The following ADGRF3 variants were observed in gnomAD, a reference collection of about 807,000 sequenced individuals.
The protein encoded by ADGRF3 is G protein-coupled receptor 113.
Under a neutral mutation model 93.2 loss-of-function variants are expected in ADGRF3, and 85 were observed. The observed-to-expected ratio is 0.91, with a 90% CI of 0.77 to 1.09. ADGRF3 has a LOEUF of 1.09. ADGRF3 is among the 50% of genes least tolerant of loss of function. The probability of loss-of-function intolerance (pLI) is 0.00; values close to 1 mark genes in which losing one functional copy is unlikely to be tolerated. For synonymous variants in ADGRF3, 534 were observed against 532.5 expected (o/e 1.00, Z -0.04); for missense variants, 1,125 against 1,246.2 (o/e 0.90, Z 1.46).
At position 26,310,211 on chromosome 2, in the gene ADGRF3, G is replaced by A. The variant is rs1456249008; in HGVS notation, c.2859C>T (p.Cys953=). The change falls in exon 11 of 14, where the codon TGC becomes TGT. Residue 953 remains cysteine (C), a synonymous_variant. Coordinates refer to ENST00000651242, the MANE Select transcript of ADGRF3 (RefSeq NM_001321971.2). ...GCAGACTTACCTTCCTGTCCATGAG[G>A]CAACCAAACAATAGGATGAAGACGC... The part of the protein sequence containing the change: ...LQGVFILLFG[C]LMDRKIQEAL... 2 of 1,613,914 alleles carry A rather than the reference G, an allele frequency of 1.2e-6. No homozygotes were observed. The highest frequency in any genetic ancestry group is 2.7e-5 in the African/African-American group (2 of 74,938).
intron 1 of ADGRF3, among the ~76,000 whole-genome samples, chr2:26,337,187 C>T (rs1255796663): frequency 1.3e-5 from 2 of 152,200 alleles, no homozygotes; most frequent in African/African-American, 4.8e-5. Flanking sequence ...GTGACTTTGC[C>T]ATTCCATCCA....
intron 1 of ADGRF3, among the ~76,000 whole-genome samples, chr2:26,341,875 C>A (rs1574737683): frequency 6.6e-6 from 1 of 151,992 alleles, no homozygotes; most frequent in East Asian, 1.9e-4. Context: ...AGATCGAGAC[C>A]ATCCTGGCCA....
At position 26,318,303 on chromosome 2, in the gene ADGRF3, G is replaced by A. The variant is rs1217024304; in HGVS notation, c.115-741C>T. ...ATATAGATACGAGTATGGATAAGAC[G>A]TGAGTATAAGCTGGTCACAATGGCA... On this transcript the variant is annotated intron_variant, in intron 1 of 13. Coordinates refer to ENST00000651242, the MANE Select transcript of ADGRF3 (RefSeq NM_001321971.2). Among the ~76,000 whole-genome samples, 10 of 152,284 alleles carry A rather than the reference G, an allele frequency of 6.6e-5. 1 individual carries two copies. Among genetic ancestry groups the A allele is most frequent in the Admixed American group, 3.9e-4 (6 of 15,298 alleles).
chr2:26,343,369 A>G (rs1676497749), intron 1 of ADGRF3, among the ~76,000 whole-genome samples: 1 of 152,220 alleles, frequency 6.6e-6, no homozygotes, highest in African/African-American at 2.4e-5. Context: ...ACTGAATTTC[A>G]GAGATGAATA....
At chr2:26,344,285 A>T (rs992679591) in intron 1 of ADGRF3, among the ~76,000 whole-genome samples, 2 of 152,130 alleles carry the variant, frequency 1.3e-5, no homozygotes, top group African/African-American at 2.4e-5. Context: ...CTGGGACTAC[A>T]GGCGCGTGCC....
At chr2:26,313,924 G>A in intron 6 of ADGRF3, 21 bp from the exon 7 acceptor site, 10 of 1,613,484 alleles carry the variant, frequency 6.2e-6, no homozygotes, top group Non-Finnish European at 7.6e-6. Flanking sequence ...AACGAAGAAG[G>A]GAACTGTCAT....
chr2:26,339,973 A>G (rs990097932), intron 1 of ADGRF3, among the ~76,000 whole-genome samples: 2 of 152,218 alleles, frequency 1.3e-5, no homozygotes, highest in Non-Finnish European at 2.9e-5. Flanking sequence ...TCAAAAATTG[A>G]AACGATTCCT....
chr2:26,318,148 T>C (rs1182360249), intron 1 of ADGRF3: 1 of 1,434,546 alleles, frequency 7.0e-7, no homozygotes, highest in Non-Finnish European at 9.4e-7. Context: ...AGGATGGAGC[T>C]GGCCCAAGGA....
intron 1 of ADGRF3, chr2:26,317,954 G>C: frequency 7.8e-7 from 1 of 1,277,028 alleles, no homozygotes; most frequent in Non-Finnish European, 1.1e-6. Flanking sequence ...TGACAGCAGG[G>C]TGAGCAGAAG....
Position 26,318,950 on chromosome 2 carries a change from C to T in ADGRF3, c.115-1388G>A. The T allele has an allele frequency of 1.9e-6, 3 of 1,551,758 alleles. No homozygotes were observed. In the South Asian group the frequency reaches 3.6e-5, roughly 18 times the overall value. On this transcript the variant is annotated intron_variant, in intron 1 of 13. Coordinates refer to ENST00000651242, the MANE Select transcript of ADGRF3 (RefSeq NM_001321971.2). ...CTCTGCAGACCTTCCCTGGGTCTCA[C>T]CCCAGTCTCACTTACAGGTTGGGAT...
chr2:26,340,185 G>C (rs1676292110), intron 1 of ADGRF3, among the ~76,000 whole-genome samples: 1 of 152,064 alleles, frequency 6.6e-6, no homozygotes, highest in Non-Finnish European at 1.5e-5. Flanking sequence ...AAAAAAAATA[G>C]AGCCAGCTTC....
rs144240349 is a variant in ADGRF3 at position 26,341,339 on chromosome 2, C to T, written c.114+4782G>A. Among the ~76,000 whole-genome samples, 804 of 152,206 alleles carry T rather than the reference C, an allele frequency of 5.3e-3. 34 individuals are homozygous for T. The South Asian group carries it at 0.083, about 16-fold the overall frequency. On this transcript the variant is annotated intron_variant, in intron 1 of 13. Transcript: ENST00000651242. ...GTTGCGGTTAGCCAAGATCGCGCCA[C>T]TGCACTCCAGCCTGGGCAACAGAAT... is the stretch of plus-strand genomic sequence containing the variant.
chr2:26,311,396 A>G lies in ADGRF3; in HGVS notation c.2128T>C (p.Leu710=). The change falls in exon 10 of 14, where the codon TTG becomes CTG. Residue 710 remains leucine, a synonymous_variant. Coordinates refer to ENST00000651242, the MANE Select transcript of ADGRF3 (RefSeq NM_001321971.2). ...AGCAGCGCCAGTATGGAAGCTCCCA[A>G]GCCCACTTGAGTCAGCAGCGCCAGA... ...PALALLTQVG[L]GASILALLVC... is the part of the protein sequence containing the mutation. 1.2e-6 allele frequency: 2 copies of G among 1,614,048 alleles called. No homozygotes were observed. Among genetic ancestry groups the G allele is most frequent in the South Asian group, 1.1e-5 (1 of 91,080 alleles).
Position 26,316,986 on chromosome 2 carries a change from C to T in ADGRF3, c.251G>A (p.Arg84Lys). 2.5e-6 allele frequency: 4 copies of T among 1,613,244 alleles called. No homozygotes were observed. In the East Asian group the frequency reaches 8.9e-5, roughly 36 times the overall value. Residue 84 changes from arginine to lysine, a missense_variant, in exon 3 of 14, where the codon AGG (arginine) becomes AAG (lysine). Coordinates refer to ENST00000651242, the MANE Select transcript of ADGRF3 (RefSeq NM_001321971.2). ...TGAGGCAGCAGGGAGAGTCAGTGTCCTGGAGAGTTCAGGGGGCCAGGTCTT... is the reference window on the plus strand; with the variant it reads ...TGAGGCAGCAGGGAGAGTCAGTGTCTTGGAGAGTTCAGGGGGCCAGGTCTT... ...PDKTWPPELS[R>K]TLTLPAASAS...
rs1389317229 is a variant in ADGRF3, at chr2:26,310,704, G to A, written c.2820C>T (p.Leu940=). ...STVPHYIFTI[L]NTLQGVFILL... ...CCCTATCACCTACCTGGAGGGTGTT[G>A]AGAATGGTGAAGATGTAATGAGGGA... Residue 940 remains leucine, a synonymous_variant, in exon 10 of 14, where the codon CTC becomes CTT. Coordinates refer to ENST00000651242, the MANE Select transcript of ADGRF3 (RefSeq NM_001321971.2). 1 of 1,611,434 alleles carries A rather than the reference G, an allele frequency of 6.2e-7. No individual in the cohort carries two copies. Among genetic ancestry groups the A allele is most frequent in the Non-Finnish European group, 8.5e-7 (1 of 1,178,812 alleles).
Position 26,346,139 on chromosome 2 carries a change from C to T in ADGRF3, c.96G>A (p.Lys32=). 1.2e-6 allele frequency: 2 copies of T among 1,600,928 alleles called. No individual in the cohort carries two copies. The highest frequency in any genetic ancestry group is 2.3e-5 in the East Asian group (1 of 44,168). The change falls in exon 1 of 14, where the codon AAG becomes AAA. Residue 32 remains lysine, a synonymous_variant. Coordinates refer to ENST00000651242, the MANE Select transcript of ADGRF3 (RefSeq NM_001321971.2). The part of the protein sequence containing the change: ...KHHTGWARMA[K]TGLPEKGQSQ... ...CTCCTACCTTCTCGGGCAGCCCAGT[C>T]TTTGCCATCCTTGCCCAGCCGGTGT...
At chr2:26,313,634 G>A in intron 7 of ADGRF3, 61 bp from the exon 8 acceptor site, 1 of 1,566,874 alleles carries the variant, frequency 6.4e-7, no homozygotes, top group Non-Finnish European at 8.7e-7. Context: ...CTCTCCTTGG[G>A]CAGAACCCTA....
At chr2:26,341,567 A>T (rs906673348) in intron 1 of ADGRF3, among the ~76,000 whole-genome samples, 1 of 152,130 alleles carries the variant, frequency 6.6e-6, no homozygotes, top group African/African-American at 2.4e-5. Flanking sequence ...TTACATTCTT[A>T]CCTAAGAGGA....
chr2:26,333,433 G>GATTAGTTTGGACCTGTATC (rs146940888), intron 1 of ADGRF3, among the ~76,000 whole-genome samples: 2 of 148,214 alleles, frequency 1.3e-5, no homozygotes, highest in Non-Finnish European at 3.0e-5. Flanking sequence ...TCTGGGGTAG[G>GATTAGTTTGGACCTGTATC]TGGAAAGTTC....
Sources: allele counts gnomAD v4.1 joint callset (sites outside exome capture counted in the v4.1 genomes callset), GRCh38; gene constraint gnomAD v4.1.1; transcripts MANE v1.5; gene names NCBI Gene and HGNC (gene_info 2026-07-23, HGNC 2026-07-21).